CNTN2: variants seen among roughly 807,000 people sequenced by gnomAD.
CNTN2 encodes the protein contactin 2, also known as contactin-2.
A neutral mutation model predicts 117.5 loss-of-function variants in CNTN2; 53 were observed. The observed-to-expected ratio is 0.45, with a 90% CI of 0.36 to 0.57. CNTN2 has a LOEUF of 0.57. Among genes scored for constraint, CNTN2 ranks in the 20% least tolerant of loss-of-function variants. The pLI, the probability that CNTN2 is intolerant of heterozygous loss-of-function variation, is 0.00. For missense variants in CNTN2, 1,106 were observed against 1,404.3 expected, an observed-to-expected ratio of 0.79 and a Z score of 3.39; for synonymous variants, 530 against 561.7, an observed-to-expected ratio of 0.94 and a Z score of 0.80.
At position 205,058,982 on chromosome 1, in the gene CNTN2, C is replaced by T. The variant is rs935280517; in HGVS notation, c.488-102C>T. The T allele has an allele frequency of 2.9e-6, 3 of 1,033,344 alleles. No individual in the cohort carries two copies. The highest frequency in any genetic ancestry group is 3.2e-5 in the African/African-American group (2 of 63,258). 64.0% of individuals were successfully genotyped at this position (1,033,344 alleles called of 1,614,324 possible). On this transcript the variant is annotated intron_variant, in intron 5 of 22. Transcript: ENST00000331830. This position sits in a 1 kb window ranked among gnomAD's most constrained non-coding sequence, Gnocchi z 4.3. ...CCCCAGTTCAGAGCATGGTGGCTGT[C>T]AGGACAGGGCTTGCAGAACCGCACC...
intron 1 of CNTN2, among the ~76,000 whole-genome samples, chr1:205,051,387 G>A (rs1015752266): frequency 6.6e-6 from 1 of 152,232 alleles, no homozygotes; most frequent in African/African-American, 2.4e-5. Flanking sequence ...TTGCAGGAGA[G>A]ACTGCCTTGC....
At chr1:205,045,488 C>A (rs3753848) in intron 1 of CNTN2, among the ~76,000 whole-genome samples, 30,607 of 152,104 alleles carry the variant, frequency 0.2, 3,823 homozygotes, top group East Asian at 0.48. Flanking sequence ...AGGTGTACCC[C>A]AAGGCATCCT....
intron 16 of CNTN2, chr1:205,069,250 A>G (rs1654456395): frequency 2.0e-6 from 1 of 507,326 alleles, no homozygotes; most frequent in Non-Finnish European, 3.5e-6. Context: ...GAAGAGAATC[A>G]GAGGCTCAGA....
At chr1:205,055,289 C>A (rs2096459247) in intron 2 of CNTN2, among the ~76,000 whole-genome samples, 1 of 152,160 alleles carries the variant, frequency 6.6e-6, no homozygotes, top group Non-Finnish European at 1.5e-5. Flanking sequence ...GCTGGGATTA[C>A]AGGCAGAGAG....
Position 205,059,892 on chromosome 1 carries a change from G to C in CNTN2, c.797+210G>C. The C allele has an allele frequency of 1.7e-6, 1 of 571,594 alleles. No individual in the cohort carries two copies. The highest frequency in any genetic ancestry group is 3.1e-6 in the Non-Finnish European group (1 of 318,026). The allele number at this position is 571,594 out of a possible 1,614,324, so 35.4% of individuals were successfully genotyped here. A position where few individuals can be genotyped will look rare whatever the true frequency, so the allele number is the denominator to read the frequency against. On this transcript the variant is annotated intron_variant, in intron 7 of 22. Transcript: ENST00000331830. The surrounding 1 kb of genome is among the most constrained non-coding windows in gnomAD (Gnocchi z 5.6). ...ATATGCCAGGGGCCTTCCATGGCCAGGATCACTTGGTCTTCCAGCAGTGCA... is the reference window on the plus strand; with the variant it reads ...ATATGCCAGGGGCCTTCCATGGCCACGATCACTTGGTCTTCCAGCAGTGCA...
chr1:205,049,281 G>GAC (rs3835569), intron 1 of CNTN2, among the ~76,000 whole-genome samples: 9,714 of 120,374 alleles, frequency 0.081, 401 homozygotes, highest in East Asian at 0.23. Context: ...CCTCACACCC[G>GAC]ACACACACAC....
Position 205,061,360 on chromosome 1 carries a change from G to C in CNTN2, c.913G>C (p.Glu305Gln), listed in dbSNP as rs143449488. The stretch of plus-strand genomic sequence containing the variant: ...CAGCTTTGAGGATGAGGGCACCTAC[G>C]AGTGTGAGGCGGAGAACTCCAAGGG... ...SVSFEDEGTYECEAENSKGRD... is the reference protein window; with the variant it reads ...SVSFEDEGTYQCEAENSKGRD... Residue 305 changes from glutamate to glutamine, a missense_variant, in exon 8 of 23, where the codon GAG becomes CAG. Glu to Gln is a conservative substitution (Grantham distance 29). Coordinates refer to ENST00000331830, the MANE Select transcript of CNTN2 (RefSeq NM_005076.5). This position sits in a 1 kb window ranked among gnomAD's most constrained non-coding sequence, Gnocchi z 4.8. 3.7e-5 allele frequency: 60 copies of C among 1,613,722 alleles called. No homozygotes were observed. Among genetic ancestry groups the C allele is most frequent in the Non-Finnish European group, 4.7e-5 (55 of 1,179,890 alleles).
At position 205,061,079 on chromosome 1, in the gene CNTN2, C is replaced by A; in HGVS notation, c.798-166C>A. 1.4e-6 allele frequency: 1 copy of A among 725,840 alleles called. No homozygotes were observed. The highest frequency in any genetic ancestry group is 2.2e-6 in the Non-Finnish European group (1 of 456,198). The allele number at this position is 725,840 out of a possible 1,614,324, so 45.0% of individuals were successfully genotyped here. A position where few individuals can be genotyped will look rare whatever the true frequency, so the allele number is the denominator to read the frequency against. Reference sequence around the variant, plus strand: ...CTTCCCTGCGTGTGCTCCGAGCCTACCTGGGAGAGGAGAGTGAGGATCAGC... The same window carrying A: ...CTTCCCTGCGTGTGCTCCGAGCCTAACTGGGAGAGGAGAGTGAGGATCAGC... On this transcript the variant is annotated intron_variant, in intron 7 of 22. Transcript: ENST00000331830. This position sits in a 1 kb window ranked among gnomAD's most constrained non-coding sequence, Gnocchi z 4.8.
rs1254263432 is a variant in CNTN2 at position 205,061,155 on chromosome 1, G to A, written c.798-90G>A. On this transcript the variant is annotated intron_variant, in intron 7 of 22. Transcript: ENST00000331830. The surrounding 1 kb of genome is among the most constrained non-coding windows in gnomAD (Gnocchi z 4.8). ...TCCTCCCAGGCCCAGCATCTCAGGAGGGCCTGAGAGTCTGGGTATGAGGAG... is the reference window on the plus strand; with the variant it reads ...TCCTCCCAGGCCCAGCATCTCAGGAAGGCCTGAGAGTCTGGGTATGAGGAG... The A allele has an allele frequency of 2.1e-5, 29 of 1,370,090 alleles. No homozygotes were observed. Among genetic ancestry groups the A allele is most frequent in the Non-Finnish European group, 2.9e-5 (29 of 1,004,494 alleles). 84.9% of individuals were successfully genotyped at this position (1,370,090 alleles called of 1,614,324 possible).
intron 2 of CNTN2, among the ~76,000 whole-genome samples, chr1:205,054,223 C>T (rs1265953639): frequency 1.3e-5 from 2 of 152,226 alleles, no homozygotes; most frequent in Non-Finnish European, 2.9e-5. Flanking sequence ...GACTCCACCT[C>T]CCCTACCCCA....
At position 205,076,336 on chromosome 1, in the gene CNTN2, A is replaced by G. The variant is rs1214442380; in HGVS notation, c.*2571A>G. 1.3e-5 allele frequency: 2 copies of G among 152,178 alleles called. No individual in the cohort carries two copies. The highest frequency in any genetic ancestry group is 4.8e-5 in the African/African-American group (2 of 41,460). The allele number at this position is 152,178 out of a possible 1,614,324, so 9.4% of individuals were successfully genotyped here. A position where few individuals can be genotyped will look rare whatever the true frequency, so the allele number is the denominator to read the frequency against. On this transcript the variant is annotated 3_prime_UTR_variant, in exon 23 of 23. Coordinates refer to ENST00000331830, the MANE Select transcript of CNTN2 (RefSeq NM_005076.5). ...GACCTGAGGACATGCAAGCTTGTAA[A>G]ATGCAACAGCCTCCTGCTAGAGTGA...
At chr1:205,043,797 C>G (rs904843340) in intron 1 of CNTN2, among the ~76,000 whole-genome samples, 6 of 152,200 alleles carry the variant, frequency 3.9e-5, no homozygotes, top group Non-Finnish European at 7.4e-5. Context: ...CTGGCCTGCC[C>G]CAGAAGTCCC....
intron 1 of CNTN2, among the ~76,000 whole-genome samples, chr1:205,043,912 C>T (rs1452152030): frequency 6.6e-6 from 1 of 152,022 alleles, no homozygotes; most frequent in African/African-American, 2.4e-5. Flanking sequence ...GAGAGGGGGG[C>T]TGTGGAAGAG....
Position 205,065,684 on chromosome 1 carries a change from G to T in CNTN2, c.1696-105G>T. The T allele has an allele frequency of 1.4e-6, 1 of 710,144 alleles. No individual in the cohort carries two copies. The allele number at this position is 710,144 out of a possible 1,614,324, so 44.0% of individuals were successfully genotyped here. On this transcript the variant is annotated intron_variant, in intron 13 of 22. Coordinates refer to ENST00000331830, the MANE Select transcript of CNTN2 (RefSeq NM_005076.5). The surrounding 1 kb of genome is among the most constrained non-coding windows in gnomAD (Gnocchi z 4.1). ...CTGAGATCCAGTGGGGTCCATGGATGTCATGGAGTAGGGGACTCCCAAGCG... is the reference window on the plus strand; with the variant it reads ...CTGAGATCCAGTGGGGTCCATGGATTTCATGGAGTAGGGGACTCCCAAGCG...
intron 16 of CNTN2, 132 bp downstream of exon 16, chr1:205,067,382 A>C: frequency 9.1e-7 from 1 of 1,099,434 alleles, no homozygotes; most frequent in Non-Finnish European, 1.3e-6. Context: ...CTCACAAAAC[A>C]GAGGAGGACA....
chr1:205,069,646 T>C, intron 17 of CNTN2, 85 bp downstream of exon 17: 1 of 1,495,626 alleles, frequency 6.7e-7, no homozygotes, highest in Admixed American at 1.8e-5. Context: ...ACTGCACAGC[T>C]CTGACTCAAA....
chr1:205,071,598 A>G (rs3753855), intron 19 of CNTN2, among the ~76,000 whole-genome samples: 120,689 of 152,180 alleles, frequency 0.79, 49,147 homozygotes, highest in East Asian at 0.97. Context: ...CTACTTTGCA[A>G]TACAAATAAG....
At position 205,073,226 on chromosome 1, in the gene CNTN2, G is replaced by A. The variant is rs553107515; in HGVS notation, c.3003G>A (p.Val1001=). 2 of 1,613,940 alleles carry A rather than the reference G, an allele frequency of 1.2e-6. No homozygotes were observed. The highest frequency in any genetic ancestry group is 2.2e-5 in the East Asian group (1 of 44,876). Residue 1001 remains valine, a synonymous_variant, in exon 22 of 23, where the codon GTG becomes GTA. Transcript: ENST00000331830. This position sits in a 1 kb window ranked among gnomAD's most constrained non-coding sequence, Gnocchi z 6.3. ...GGATCCCTGCAGAAGTCCACATCGT[G>A]AGGAATGGAGGTGCTGCTCCTCCCC... ...GDGIPAEVHI[V]RNGGTSMMVE...
In CNTN2 at chr1:205,061,284, C is replaced by A; in HGVS notation, c.837C>A (p.Ser279=). 1 of 1,613,850 alleles carries A rather than the reference C, an allele frequency of 6.2e-7. No individual in the cohort carries two copies. Among genetic ancestry groups the A allele is most frequent in the Non-Finnish European group, 8.5e-7 (1 of 1,179,798 alleles). ...TCAAGTGGCGCAAAGTGGACGGCTC[C>A]CTGTCCCCGCAGTGGACCACAGCTG... ...PRIKWRKVDG[S]LSPQWTTAEP... The change falls in exon 8 of 23, where the codon TCC becomes TCA. Residue 279 remains serine, a synonymous_variant. Transcript: ENST00000331830. The surrounding 1 kb of genome is among the most constrained non-coding windows in gnomAD (Gnocchi z 4.8).
Sources: gnomAD v4.1 joint callset for allele counts (sites outside exome capture counted in the v4.1 genomes callset) on GRCh38, gnomAD v4.1.1 for gene constraint, Gnocchi (gnomAD v3.1) non-coding constraint, MANE v1.5 for transcripts, NCBI Gene and HGNC (gene_info 2026-07-23, HGNC 2026-07-21) for gene names.